HLCS: variants seen among roughly 807,000 people sequenced by gnomAD.
HLCS encodes holocarboxylase synthetase.
In HLCS, 53 loss-of-function variants were observed where a neutral mutation model predicts 75.0. That is an observed-to-expected ratio of 0.71 (90% confidence interval 0.57 to 0.89). The LOEUF (loss-of-function observed/expected upper bound fraction) is 0.89. HLCS is among the 40% of genes least tolerant of loss of function. The pLI, the probability that HLCS is intolerant of heterozygous loss-of-function variation, is 0.00. For synonymous variants in HLCS, 431 were observed against 428.6 expected (o/e 1.01, Z -0.07); for missense variants, 966 against 1,074.0 (o/e 0.90, Z 1.41).
intron 6 of HLCS, among the ~76,000 whole-genome samples, chr21:36,774,912 T>C (rs747949817): frequency 1.3e-5 from 2 of 152,242 alleles, no homozygotes; most frequent in African/African-American, 2.4e-5. Flanking sequence ...GTTTTATTGA[T>C]ATATTCTTCC....
In HLCS at chr21:36,941,700, T is replaced by C. The variant is rs140468345; in HGVS notation, c.331-2706A>G. 8.5e-5 allele frequency among the ~76,000 whole-genome samples: 13 copies of C among 152,118 alleles called. 1 individual carries two copies. The East Asian group carries it at 2.5e-3, about 29-fold the overall frequency. ...GCCTGACCAACATGGTGAAACCCCA[T>C]CTCTACTAAAAATACAAAAATTGGC... On this transcript the variant is annotated intron_variant, in intron 2 of 10. Transcript: ENST00000674895.
chr21:36,950,582 A>G (rs115044869), intron 2 of HLCS, among the ~76,000 whole-genome samples: 3,800 of 151,526 alleles, frequency 0.025, 162 homozygotes, highest in African/African-American at 0.083. Context: ...CAATCCTCCC[A>G]CCTCAGCCTC....
chr21:36,866,666 T>C (rs1327727476), intron 6 of HLCS, among the ~76,000 whole-genome samples: 1 of 152,222 alleles, frequency 6.6e-6, no homozygotes, highest in Admixed American at 6.5e-5. Flanking sequence ...TCTTGCTCCA[T>C]GTCAGCTGGT....
intron 5 of HLCS, 114 bp from the exon 6 acceptor site, chr21:36,897,245 A>G (rs1324697940): frequency 2.0e-6 from 2 of 989,182 alleles, no homozygotes; most frequent in Non-Finnish European, 3.2e-6. Context: ...TTCATGACCA[A>G]GAAAAGCTAG....
chr21:36,832,264 A>G (rs2062238511), intron 6 of HLCS, among the ~76,000 whole-genome samples: 1 of 152,220 alleles, frequency 6.6e-6, no homozygotes, highest in African/African-American at 2.4e-5. Flanking sequence ...GCTGATGAGG[A>G]GGAAGAGGAT....
At chr21:36,966,820 C>CGGGG (rs543610093), upstream of HLCS, among the ~76,000 whole-genome samples, 45 of 87,542 alleles carry the variant, frequency 5.1e-4, no homozygotes, top group African/African-American at 2.1e-3. Flanking sequence ...GCGGGAGGGG[C>CGGGG]GGGGGGGGGT....
intron 5 of HLCS, among the ~76,000 whole-genome samples, chr21:36,914,509 G>T (rs996062301): frequency 1.3e-5 from 2 of 152,184 alleles, no homozygotes; most frequent in Non-Finnish European, 2.9e-5. Flanking sequence ...AGGCTCAGAC[G>T]CTGAAAGGCC....
intron 1 of HLCS, among the ~76,000 whole-genome samples, chr21:36,978,959 A>T (rs2069022383): frequency 6.8e-6 from 1 of 147,714 alleles, no homozygotes; most frequent in Non-Finnish European, 1.5e-5. Flanking sequence ...AGGGAAAACC[A>T]ATCACACTGC....
intron 6 of HLCS, among the ~76,000 whole-genome samples, chr21:36,881,220 T>C (rs2064199790): frequency 6.6e-6 from 1 of 152,104 alleles, no homozygotes; most frequent in Non-Finnish European, 1.5e-5. Flanking sequence ...TCCACCTACC[T>C]CGGCCTCCCA....
At chr21:36,764,295 GC>G (rs1296060309) in intron 8 of HLCS, among the ~76,000 whole-genome samples, 1 of 152,250 alleles carries the variant, frequency 6.6e-6, no homozygotes, top group Non-Finnish European at 1.5e-5. Flanking sequence ...TACTCAGGAG[GC>G]TGAGGCAGGG....
chr21:36,822,203 C>G (rs2061865413), intron 6 of HLCS, among the ~76,000 whole-genome samples: 1 of 152,154 alleles, frequency 6.6e-6, no homozygotes, highest in South Asian at 2.1e-4. Context: ...AGGCGAATCA[C>G]GAGGTCAGGA....
intron 9 of HLCS, chr21:36,757,092 C>G (rs1372763133): frequency 1.0e-5 from 3 of 291,656 alleles, no homozygotes; most frequent in Non-Finnish European, 1.5e-5. Context: ...AATAAGTGGT[C>G]TACCAAGCAT....
At chr21:36,807,692 C>T (rs2061399834) in intron 6 of HLCS, among the ~76,000 whole-genome samples, 1 of 152,176 alleles carries the variant, frequency 6.6e-6, no homozygotes, top group African/African-American at 2.4e-5. Context: ...ATGTTCATCA[C>T]CGCGTTTCAT....
chr21:36,761,232 C>T (rs139811605), intron 8 of HLCS, among the ~76,000 whole-genome samples: 3 of 152,210 alleles, frequency 2.0e-5, no homozygotes, highest in Non-Finnish European at 4.4e-5. Flanking sequence ...TTGAAAGCCA[C>T]GGAGCTAAAA....
At chr21:36,871,933 T>G (rs528333252) in intron 6 of HLCS, among the ~76,000 whole-genome samples, 142 of 152,274 alleles carry the variant, frequency 9.3e-4, no homozygotes, top group Admixed American at 2.3e-3. Flanking sequence ...GAAAGCACAG[T>G]GAGATACAAC....
At chr21:36,867,266 T>A (rs553454816) in intron 6 of HLCS, among the ~76,000 whole-genome samples, 1 of 152,304 alleles carries the variant, frequency 6.6e-6, no homozygotes, top group South Asian at 2.1e-4. Context: ...AGGAAACAGC[T>A]AGCAGCTAAA....
Position 36,966,629 on chromosome 21 carries a change from T to G in HLCS, c.10A>C (p.Thr4Pro). MLI[T>P]LCYLYLWARW... Reference sequence around the variant, plus strand: ...GCCCACAGGTACAGGTAGCACAGCGTGATGAGCATGGCCGCGCCGCCGGCA... The same window carrying G: ...GCCCACAGGTACAGGTAGCACAGCGGGATGAGCATGGCCGCGCCGCCGGCA... The change falls in exon 1 of 11, where the codon ACG becomes CCG. Residue 4 changes from threonine to proline, a missense_variant. By Grantham distance (38) the Thr-to-Pro change is conservative. Transcript: ENST00000674895. The G allele has an allele frequency of 1.0e-6, 1 of 981,446 alleles. No individual in the cohort carries two copies. Among genetic ancestry groups the G allele is most frequent in the Non-Finnish European group, 1.2e-6 (1 of 828,724 alleles). The allele number at this position is 981,446 out of a possible 1,614,324, so 60.8% of individuals were successfully genotyped here. A position where few individuals can be genotyped will look rare whatever the true frequency, so the allele number is the denominator to read the frequency against.
At chr21:36,958,794 A>G (rs2068114199) in intron 2 of HLCS, among the ~76,000 whole-genome samples, 4 of 152,232 alleles carry the variant, frequency 2.6e-5, no homozygotes, top group Admixed American at 2.0e-4. Flanking sequence ...ATCTCCAAAA[A>G]AAAAAGAAAG....
chr21:36,864,704 C>T (rs1471759919), intron 6 of HLCS, among the ~76,000 whole-genome samples: 1 of 152,060 alleles, frequency 6.6e-6, no homozygotes, highest in East Asian at 1.9e-4. Flanking sequence ...AACTTGAAAT[C>T]CATTGGAAAT....
Sources: allele counts gnomAD v4.1 joint callset (sites outside exome capture counted in the v4.1 genomes callset), GRCh38; gene constraint gnomAD v4.1.1; transcripts MANE v1.5; gene names NCBI Gene and HGNC (gene_info 2026-07-23, HGNC 2026-07-21).